SFRP1: variants seen among roughly 807,000 people sequenced by gnomAD.
SFRP1 encodes secreted frizzled-related protein 1.
SFRP1 carries 9 observed loss-of-function variants against 25.9 expected under a neutral mutation model. The ratio of observed to expected loss-of-function variants is 0.35; its 90% CI spans 0.21 to 0.61. The LOEUF (loss-of-function observed/expected upper bound fraction) is 0.61, where lower values mean the gene tolerates loss of function less well. Among genes scored for constraint, SFRP1 ranks in the 20% least tolerant of loss-of-function variants. SFRP1 has a pLI of 0.78. For missense variants in SFRP1, 346 were observed against 418.2 expected (o/e 0.83, Z 1.51); for synonymous variants, 178 against 174.0 (o/e 1.02, Z -0.18).
chr8:41,279,956 T>C (rs950215765), intron 2 of SFRP1, among the ~76,000 whole-genome samples: 2 of 152,156 alleles, frequency 1.3e-5, no homozygotes, highest in African/African-American at 4.8e-5. Flanking sequence ...ACCTGAATAG[T>C]CTCTTTCTTT....
chr8:41,309,197 G>A lies in SFRP1; in HGVS notation c.-38C>T. The A allele has an allele frequency of 1.6e-6, 2 of 1,274,626 alleles. No homozygotes were observed. Among genetic ancestry groups the A allele is most frequent in the Non-Finnish European group, 2.0e-6 (2 of 1,017,748 alleles). The allele number at this position is 1,274,626 out of a possible 1,614,324, so 79.0% of individuals were successfully genotyped here. ...CCCTGTTCTCCGCGACGTCGGGGCT[G>A]CCTCCGCCGCCTCCCCGCGCGCGTC... On this transcript the variant is annotated 5_prime_UTR_variant, in exon 1 of 3. Coordinates refer to ENST00000220772, the MANE Select transcript of SFRP1 (RefSeq NM_003012.5).
At chr8:41,295,741 AGC>A (rs1803836326) in intron 2 of SFRP1, among the ~76,000 whole-genome samples, 3 of 140,504 alleles carry the variant, frequency 2.1e-5, no homozygotes, top group African/African-American at 7.9e-5. Context: ...GAGTATCTGC[AGC>A]ATTTTTTTTT....
At chr8:41,301,316 G>A (rs1803913184) in intron 2 of SFRP1, among the ~76,000 whole-genome samples, 1 of 152,058 alleles carries the variant, frequency 6.6e-6, no homozygotes. Context: ...TTTCCTAACT[G>A]AATCCCATCA....
rs918864261 is a variant in SFRP1 at position 41,309,068 on chromosome 8, G to A, written c.92C>T (p.Ala31Val). ...LGAALLAVGS[A>V]SEYDYVSFQS... Reference sequence around the variant, plus strand: ...GAAGCTCACGTAGTCGTACTCGCTGGCCGAGCCCACGGCCAGAAGCGCCGC... The same window carrying A: ...GAAGCTCACGTAGTCGTACTCGCTGACCGAGCCCACGGCCAGAAGCGCCGC... The change falls in exon 1 of 3, where the codon GCC (alanine) becomes GTC (valine). Residue 31 changes from alanine to valine, a missense_variant. By Grantham distance (64) the Ala-to-Val change is moderately conservative. Transcript: ENST00000220772. The A allele has an allele frequency of 1.2e-6, 2 of 1,600,414 alleles. No individual in the cohort carries two copies. Among genetic ancestry groups the A allele is most frequent in the Non-Finnish European group, 1.7e-6 (2 of 1,178,994 alleles).
At chr8:41,290,271 A>G (rs1803759668) in intron 2 of SFRP1, among the ~76,000 whole-genome samples, 1 of 152,076 alleles carries the variant, frequency 6.6e-6, no homozygotes, top group African/African-American at 2.4e-5. Context: ...CAAACCACAC[A>G]TGCACCTCCC....
chr8:41,284,279 T>A (rs932148418), intron 2 of SFRP1, among the ~76,000 whole-genome samples: 50 of 152,040 alleles, frequency 3.3e-4, no homozygotes, highest in Admixed American at 2.9e-3. Flanking sequence ...GGGAAGAAAG[T>A]GCCAGGTAAA....
intron 2 of SFRP1, among the ~76,000 whole-genome samples, chr8:41,284,594 TCAGGGCAGCA>T: frequency 6.6e-6 from 1 of 152,090 alleles, no homozygotes; most frequent in Admixed American, 6.5e-5. Flanking sequence ...GGACAGCAGC[TCAGGGCAGCA>T]GCAAATGAAG....
intron 2 of SFRP1, among the ~76,000 whole-genome samples, chr8:41,285,282 G>A (rs2117498400): frequency 6.6e-6 from 1 of 152,066 alleles, no homozygotes; most frequent in Non-Finnish European, 1.5e-5. Context: ...CCAGAACCAG[G>A]ACTCCCGACT....
intron 2 of SFRP1, among the ~76,000 whole-genome samples, chr8:41,282,422 A>G (rs950398475): frequency 1.3e-5 from 2 of 152,018 alleles, no homozygotes; most frequent in African/African-American, 4.8e-5. Flanking sequence ...CTGAGGTGGG[A>G]GAATTACTTG....
At chr8:41,270,831 AAAAGAAAAAG>A (rs1440624586) in intron 2 of SFRP1, among the ~76,000 whole-genome samples, 2 of 150,344 alleles carry the variant, frequency 1.3e-5, no homozygotes, top group African/African-American at 4.9e-5. Flanking sequence ...CAAAAAAAAA[AAAAGAAAAAG>A]AAAAGAAAAG....
intron 2 of SFRP1, chr8:41,276,856 T>C (rs1245065134): frequency 6.7e-6 from 3 of 446,912 alleles, no homozygotes; most frequent in Non-Finnish European, 1.4e-5. Flanking sequence ...AGAGTAGAGA[T>C]TGCAACTTTG....
At chr8:41,291,764 G>A (rs1235398406) in intron 2 of SFRP1, among the ~76,000 whole-genome samples, 1 of 152,128 alleles carries the variant, frequency 6.6e-6, no homozygotes, top group Non-Finnish European at 1.5e-5. Flanking sequence ...CTGGGTCTCT[G>A]ACACTAACAT....
chr8:41,284,320 G>A (rs976441917), intron 2 of SFRP1, among the ~76,000 whole-genome samples: 4 of 150,686 alleles, frequency 2.7e-5, no homozygotes, highest in African/African-American at 9.8e-5. Context: ...CTAGAGGCTG[G>A]GACACACCAG....
In SFRP1 at chr8:41,265,376, G is replaced by A. The variant is rs1193869527; in HGVS notation, c.736C>T (p.Leu246Phe). 4 of 1,613,884 alleles carry A rather than the reference G, an allele frequency of 2.5e-6. No individual in the cohort carries two copies. The African/African-American group carries it at 5.3e-5, about 22-fold the overall frequency. Residue 246 changes from leucine (L) to phenylalanine (F), a missense_variant, in exon 3 of 3, where the codon CTT (leucine) becomes TTT (phenylalanine). Leu to Phe is a conservative substitution (Grantham distance 22). Coordinates refer to ENST00000220772, the MANE Select transcript of SFRP1 (RefSeq NM_003012.5). ...GPIKKKDLKK[L>F]VLYLKNGADC... ...GCCCCATTCTTCAGGTACAGCACAA[G>A]CTTCTTCAGGTCCTTCTTCTTGATG...
chr8:41,280,514 C>A (rs1182962278), intron 2 of SFRP1, among the ~76,000 whole-genome samples: 1 of 152,186 alleles, frequency 6.6e-6, no homozygotes, highest in African/African-American at 2.4e-5. Flanking sequence ...GGTCCTCAGA[C>A]CCTCCCTGGG....
intron 2 of SFRP1, among the ~76,000 whole-genome samples, chr8:41,282,399 G>A (rs1480451726): frequency 2.0e-5 from 3 of 152,030 alleles, no homozygotes; most frequent in South Asian, 2.1e-4. Context: ...TGTAGTCCCA[G>A]CTACTCAGAA....
At chr8:41,267,314 G>A (rs934419333) in intron 2 of SFRP1, among the ~76,000 whole-genome samples, 1 of 152,134 alleles carries the variant, frequency 6.6e-6, no homozygotes, top group African/African-American at 2.4e-5. Flanking sequence ...GACTCCACAG[G>A]GGCTGCTGAT....
intron 2 of SFRP1, among the ~76,000 whole-genome samples, chr8:41,281,469 C>T: frequency 6.6e-6 from 1 of 152,214 alleles, no homozygotes; most frequent in East Asian, 1.9e-4. Flanking sequence ...AAAGTCCCTT[C>T]AGAGCACAGA....
intron 2 of SFRP1, among the ~76,000 whole-genome samples, chr8:41,266,417 A>G (rs556508344): frequency 1.3e-5 from 2 of 152,242 alleles, no homozygotes; most frequent in South Asian, 2.1e-4. Context: ...AAGACAAAAA[A>G]TCCTGAGTGT....
Sources: allele counts gnomAD v4.1 joint callset (sites outside exome capture counted in the v4.1 genomes callset), GRCh38; gene constraint gnomAD v4.1.1; transcripts MANE v1.5; gene names NCBI Gene and HGNC (gene_info 2026-07-23, HGNC 2026-07-21).